The following PDZRN4 variants were observed in gnomAD, a reference collection of about 807,000 sequenced individuals.
The protein encoded by PDZRN4 is PDZ domain-containing RING finger protein 4.
A neutral mutation model predicts 99.0 loss-of-function variants in PDZRN4; 70 were observed. The observed-to-expected ratio is 0.71, with a 90% CI of 0.58 to 0.86. The LOEUF is 0.86. Among genes scored for constraint, PDZRN4 ranks in the 40% least tolerant of loss-of-function variants. The probability of loss-of-function intolerance (pLI) is 0.00; values close to 1 mark genes in which losing one functional copy is unlikely to be tolerated. For synonymous variants in PDZRN4, 551 were observed against 501.6 expected (o/e 1.10, Z -1.32); for missense variants, 1,474 against 1,331.2 (o/e 1.11, Z -1.67).
At chr12:41,209,445 A>G (rs1950873145) in intron 3 of PDZRN4, among the ~76,000 whole-genome samples, 1 of 151,842 alleles carries the variant, frequency 6.6e-6, no homozygotes, top group Admixed American at 6.6e-5. Context: ...TGCTGCACCC[A>G]TTAACTCGTC....
intron 3 of PDZRN4, among the ~76,000 whole-genome samples, chr12:41,297,188 A>C (rs1951501402): frequency 6.6e-6 from 1 of 152,094 alleles, no homozygotes; most frequent in African/African-American, 2.4e-5. Flanking sequence ...TTTTCCACAA[A>C]CTTTTTGAAG....
chr12:41,243,973 C>CA (rs1951117345), intron 3 of PDZRN4, among the ~76,000 whole-genome samples: 1 of 152,184 alleles, frequency 6.6e-6, no homozygotes, highest in African/African-American at 2.4e-5. Context: ...TACATACTCT[C>CA]AGGTGATCTC....
rs1055919202 is a variant in PDZRN4 at position 41,198,585 on chromosome 12, G to C, written c.843+4397G>C. On this transcript the variant is annotated intron_variant, in intron 3 of 9. Transcript: ENST00000402685. ...TTCTTTAGAAATAGTTCCCACATTG[G>C]AACATCACACTCTGGGGACTGTTGT... Among the ~76,000 whole-genome samples the C allele has an allele frequency of 3.0e-5, 4 of 132,760 alleles. No homozygotes were observed. In the Admixed American group the frequency reaches 3.2e-4, roughly 11 times the overall value. The allele number at this position is 132,760 out of a possible 152,430, so 87.1% of individuals were successfully genotyped here.
chr12:41,515,509 G>T (rs1207189421), intron 5 of PDZRN4, among the ~76,000 whole-genome samples: 1 of 152,022 alleles, frequency 6.6e-6, no homozygotes, highest in Non-Finnish European at 1.5e-5. Flanking sequence ...GATGAAGTGT[G>T]AAAATTTTTT....
At position 41,516,592 on chromosome 12, in the gene PDZRN4, C is replaced by G. The variant is rs538090985; in HGVS notation, c.1203+6679C>G. ...AAGAAAATTGGGATTTTTATTGTTT[C>G]TATTTTACCAAGGAACATATGCGTG... On this transcript the variant is annotated intron_variant, in intron 5 of 9. Coordinates refer to ENST00000402685, the MANE Select transcript of PDZRN4 (RefSeq NM_001164595.2). Among the ~76,000 whole-genome samples the G allele has an allele frequency of 2.6e-5, 4 of 152,116 alleles. No individual in the cohort carries two copies. In the South Asian group the frequency reaches 8.3e-4, roughly 31 times the overall value.
At chr12:41,485,532 CCT>C (rs1937758558) in intron 3 of PDZRN4, among the ~76,000 whole-genome samples, 2 of 152,154 alleles carry the variant, frequency 1.3e-5, no homozygotes, top group Admixed American at 1.3e-4. Context: ...TCTCTCTCTT[CCT>C]CTCTCTTTTT....
chr12:41,512,259 T>C (rs543048244), intron 5 of PDZRN4, among the ~76,000 whole-genome samples: 2 of 152,174 alleles, frequency 1.3e-5, no homozygotes, highest in African/African-American at 2.4e-5. Flanking sequence ...CCTGCCCCAG[T>C]GGAAGGAGCT....
At position 41,563,575 on chromosome 12, in the gene PDZRN4, G is replaced by C; in HGVS notation, c.1393G>C (p.Glu465Gln). 6.2e-7 allele frequency: 1 copy of C among 1,613,446 alleles called. No homozygotes were observed. The highest frequency in any genetic ancestry group is 8.5e-7 in the Non-Finnish European group (1 of 1,179,506). Residue 465 changes from glutamate to glutamine, a missense_variant, in exon 8 of 10, where the codon GAA (glutamate) becomes CAA (glutamine). By Grantham distance (29) the Glu-to-Gln change is conservative (BLOSUM62 2). Transcript: ENST00000402685. ...AAATGGGGAAGATGTCCAGAATCGA[G>C]AAGAAGCAGTGGCCTTGCTGTCTAA... ...QINGEDVQNR[E>Q]EAVALLSNDE...
At chr12:41,422,707 T>C (rs1050235040) in intron 3 of PDZRN4, among the ~76,000 whole-genome samples, 6 of 152,090 alleles carry the variant, frequency 3.9e-5, no homozygotes, top group Non-Finnish European at 7.4e-5. Context: ...TCCAATCACC[T>C]TCCACCAGAT....
chr12:41,452,913 G>A (rs1350531999), intron 3 of PDZRN4, among the ~76,000 whole-genome samples: 1 of 152,102 alleles, frequency 6.6e-6, no homozygotes, highest in African/African-American at 2.4e-5. Context: ...ATTTGCGTGT[G>A]AGAAGCCTGG....
intron 3 of PDZRN4, among the ~76,000 whole-genome samples, chr12:41,244,986 G>A (rs984101453): frequency 4.6e-5 from 7 of 152,028 alleles, no homozygotes; most frequent in Non-Finnish European, 8.8e-5. Flanking sequence ...CACCGCGCCC[G>A]GCCCACACCA....
At chr12:41,335,575 C>A (rs1359730055) in intron 3 of PDZRN4, among the ~76,000 whole-genome samples, 1 of 152,036 alleles carries the variant, frequency 6.6e-6, no homozygotes, top group East Asian at 1.9e-4. Context: ...TTAAGATATG[C>A]AAACACTCCG....
chr12:41,291,831 T>G (rs371996701), intron 3 of PDZRN4, among the ~76,000 whole-genome samples: 1 of 151,764 alleles, frequency 6.6e-6, no homozygotes, highest in East Asian at 2.0e-4. Context: ...AGAGACCCCC[T>G]AATGTAGTCA....
chr12:41,273,501 C>T (rs1269295550), intron 3 of PDZRN4, among the ~76,000 whole-genome samples: 1 of 152,004 alleles, frequency 6.6e-6, no homozygotes, highest in Non-Finnish European at 1.5e-5. Flanking sequence ...CTACAAGTAG[C>T]CTTAACTGTA....
At chr12:41,306,543 T>C (rs1951570714) in intron 3 of PDZRN4, among the ~76,000 whole-genome samples, 1 of 152,200 alleles carries the variant, frequency 6.6e-6, no homozygotes, top group Non-Finnish European at 1.5e-5. Context: ...AGTTCACAAC[T>C]CTACTAATCT....
chr12:41,189,776 GGAGA>G (rs146828897), intron 1 of PDZRN4, among the ~76,000 whole-genome samples: 4 of 151,602 alleles, frequency 2.6e-5, no homozygotes, highest in African/African-American at 4.8e-5. Context: ...CATTATTGGT[GGAGA>G]GAGAGAGAGA....
rs954564491 is a variant in PDZRN4, at chr12:41,456,638, T to G, written c.844-49818T>G. On this transcript the variant is annotated intron_variant, in intron 3 of 9. Coordinates refer to ENST00000402685, the MANE Select transcript of PDZRN4 (RefSeq NM_001164595.2). ...CTTAATGAATGAGTAAATGAATGAA[T>G]GAAGACATACTGCAGAGGGCCTTAT... is the stretch of plus-strand genomic sequence containing the variant. 5.9e-5 allele frequency among the ~76,000 whole-genome samples: 9 copies of G among 152,332 alleles called. No individual in the cohort carries two copies. The East Asian group carries it at 1.5e-3, about 26-fold the overall frequency.
At chr12:41,545,800 G>A (rs1938940197) in intron 5 of PDZRN4, among the ~76,000 whole-genome samples, 1 of 151,820 alleles carries the variant, frequency 6.6e-6, no homozygotes, top group Non-Finnish European at 1.5e-5. Context: ...CCATTCCATG[G>A]TTTCTTTTTC....
chr12:41,493,059 T>C (rs945090533), intron 3 of PDZRN4, among the ~76,000 whole-genome samples: 11 of 152,218 alleles, frequency 7.2e-5, no homozygotes, highest in African/African-American at 2.7e-4. Flanking sequence ...AGCTCATCCA[T>C]CCCAGAGCTC....
Sources: allele counts gnomAD v4.1 joint callset (sites outside exome capture counted in the v4.1 genomes callset), GRCh38; gene constraint gnomAD v4.1.1; transcripts MANE v1.5; gene names NCBI Gene and HGNC (gene_info 2026-07-23, HGNC 2026-07-21).